Variants in XYLT1 observed in about 807,000 individuals in gnomAD.
XYLT1 encodes beta-D-xylosyltransferase 1.
In XYLT1, 36 loss-of-function variants were observed where a neutral mutation model predicts 91.3. That is an observed-to-expected ratio of 0.39 (90% CI 0.30 to 0.52). The LOEUF is 0.52. Ranked by LOEUF, XYLT1 falls within the 20% of genes least tolerant of loss-of-function variation. The pLI is 0.68. For synonymous variants in XYLT1, 588 were observed against 532.0 expected, an observed-to-expected ratio of 1.11 and a Z score of -1.45; for missense variants, 1,242 against 1,284.5, an observed-to-expected ratio of 0.97 and a Z score of 0.51.
intron 3 of XYLT1, among the ~76,000 whole-genome samples, chr16:17,230,185 C>T (rs544135542): frequency 2.6e-5 from 4 of 152,302 alleles, no homozygotes; most frequent in East Asian, 1.9e-4. Flanking sequence ...TTTTAAGCCA[C>T]GCTGGTTGAA....
At chr16:17,231,023 G>C (rs1355719092) in intron 3 of XYLT1, among the ~76,000 whole-genome samples, 1 of 152,182 alleles carries the variant, frequency 6.6e-6, no homozygotes, top group African/African-American at 2.4e-5. Flanking sequence ...ATCCCACTTT[G>C]ATGCTCTTGA....
chr16:17,358,105 A>ACC (rs1555499905), intron 1 of XYLT1, 55 bp from the exon 2 acceptor site: 1 of 1,499,638 alleles, frequency 6.7e-7, no homozygotes, highest in South Asian at 1.2e-5. Context: ...TTAACTTACT[A>ACC]CCCCAGCATC....
At chr16:17,132,491 GGC>G in intron 9 of XYLT1, among the ~76,000 whole-genome samples, 1 of 148,530 alleles carries the variant, frequency 6.7e-6, no homozygotes, top group African/African-American at 2.5e-5. Flanking sequence ...AATGGCAACT[GGC>G]AACTAAGATA....
At chr16:17,138,152 T>C in intron 8 of XYLT1, 1 of 423,654 alleles carries the variant, frequency 2.4e-6, no homozygotes, top group Non-Finnish European at 4.1e-6. Context: ...TTTGGGTTAA[T>C]GAGTCAATGT....
intron 1 of XYLT1, among the ~76,000 whole-genome samples, chr16:17,462,367 T>C (rs770048178): frequency 3.9e-5 from 6 of 152,272 alleles, no homozygotes; most frequent in Middle Eastern, 3.4e-3. Flanking sequence ...CTGACACTAA[T>C]AATGCCAGTG....
At chr16:17,319,662 A>T (rs1190208571) in intron 2 of XYLT1, among the ~76,000 whole-genome samples, 1 of 152,000 alleles carries the variant, frequency 6.6e-6, no homozygotes, top group African/African-American at 2.4e-5. Context: ...GCTGGTCTTG[A>T]ACTCCTGGCC....
At chr16:17,365,628 TA>T (rs896772740) in intron 1 of XYLT1, among the ~76,000 whole-genome samples, 3 of 152,160 alleles carry the variant, frequency 2.0e-5, no homozygotes, top group African/African-American at 7.2e-5. Flanking sequence ...TCTTTTGTAT[TA>T]AAAGCTTAAA....
chr16:17,290,132 A>T (rs2034199601), intron 2 of XYLT1, among the ~76,000 whole-genome samples: 1 of 152,244 alleles, frequency 6.6e-6, no homozygotes, highest in Non-Finnish European at 1.5e-5. Flanking sequence ...TCCTCAGTTA[A>T]AAGAAAAAGA....
chr16:17,272,883 CAG>C (rs1276733963), intron 2 of XYLT1, among the ~76,000 whole-genome samples: 1 of 152,176 alleles, frequency 6.6e-6, no homozygotes, highest in Admixed American at 6.5e-5. Context: ...CCTTGTATTC[CAG>C]AGTGTTTGAT....
Position 17,173,063 on chromosome 16 carries a change from C to T in XYLT1, c.1290-14154G>A, listed in dbSNP as rs563250175. Among the ~76,000 whole-genome samples the T allele has an allele frequency of 6.7e-5, 10 of 149,872 alleles. No individual in the cohort carries two copies. In the East Asian group the frequency reaches 1.5e-3, roughly 23 times the overall value. ...CAAACAAACAAACAAACAAAAAAAACCAAATTAGTAACAAATGTCATCTGG... is the reference window on the plus strand; with the variant it reads ...CAAACAAACAAACAAACAAAAAAAATCAAATTAGTAACAAATGTCATCTGG... On this transcript the variant is annotated intron_variant, in intron 5 of 11. Transcript: ENST00000261381.
At chr16:17,138,090 C>T (rs1156234395) in intron 8 of XYLT1, among the ~76,000 whole-genome samples, 1 of 152,052 alleles carries the variant, frequency 6.6e-6, no homozygotes, top group Non-Finnish European at 1.5e-5. Context: ...TTCTGTGCCT[C>T]ACAGTTTTCA....
intron 11 of XYLT1, among the ~76,000 whole-genome samples, chr16:17,113,244 C>T (rs562656436): frequency 1.6e-4 from 24 of 152,122 alleles, no homozygotes; most frequent in African/African-American, 5.5e-4. Context: ...CAGGTTCAAG[C>T]GATTCTCATG....
rs1966770979 is a variant in XYLT1 at position 17,106,157 on chromosome 16, G to A, written c.*2538C>T. The A allele has an allele frequency of 6.6e-6, 1 of 152,174 alleles. No individual in the cohort carries two copies. The highest frequency in any genetic ancestry group is 2.4e-5 in the African/African-American group (1 of 41,440). 9.4% of individuals were successfully genotyped at this position (152,174 alleles called of 1,614,324 possible). On this transcript the variant is annotated 3_prime_UTR_variant, in exon 12 of 12. Transcript: ENST00000261381. The stretch of plus-strand genomic sequence containing the variant: ...GATAAAAACAAAAAAAGGCAGACAT[G>A]TTAGTGGGTGCAGGAGGGGCCCCAT...
chr16:17,262,588 G>C (rs75944260), intron 2 of XYLT1, among the ~76,000 whole-genome samples: 10,329 of 152,142 alleles, frequency 0.068, 1,158 homozygotes, highest in African/African-American at 0.23. Context: ...TCCTTCTAGG[G>C]ATGTGTTAGG....
At chr16:17,256,590 C>T (rs1286994712) in intron 3 of XYLT1, among the ~76,000 whole-genome samples, 1 of 146,632 alleles carries the variant, frequency 6.8e-6, no homozygotes. Flanking sequence ...GTGGAGGTTG[C>T]AGTGAGCCGA....
At chr16:17,395,890 ACT>A (rs927319121) in intron 1 of XYLT1, among the ~76,000 whole-genome samples, 1 of 152,012 alleles carries the variant, frequency 6.6e-6, no homozygotes, top group African/African-American at 2.4e-5. Flanking sequence ...TGAACAGCAG[ACT>A]CTGTTCACCA....
At chr16:17,146,418 C>T (rs1380795918) in intron 6 of XYLT1, among the ~76,000 whole-genome samples, 1 of 152,140 alleles carries the variant, frequency 6.6e-6, no homozygotes, top group African/African-American at 2.4e-5. Context: ...GGAGTCCTCT[C>T]TGAGTCTCAG....
intron 2 of XYLT1, among the ~76,000 whole-genome samples, chr16:17,332,567 T>TACACACAC (rs60919228): frequency 5.0e-4 from 69 of 137,998 alleles, no homozygotes; most frequent in African/African-American, 1.5e-3. Context: ...ATCACACACA[T>TACACACAC]ACACACACAC....
intron 2 of XYLT1, among the ~76,000 whole-genome samples, chr16:17,317,999 G>T (rs78428077): frequency 0.011 from 1,707 of 152,254 alleles, 26 homozygotes; most frequent in African/African-American, 0.038. Context: ...GTCATTACCC[G>T]TCTTGTCACC....
Sources: gnomAD v4.1 joint callset for allele counts (sites outside exome capture counted in the v4.1 genomes callset) on GRCh38, gnomAD v4.1.1 for gene constraint, MANE v1.5 for transcripts, NCBI Gene and HGNC (gene_info 2026-07-23, HGNC 2026-07-21) for gene names.